CSMD2: variants seen among roughly 807,000 people sequenced by gnomAD.
CSMD2 encodes the protein CUB and sushi domain-containing protein 2.
CSMD2 carries 130 observed loss-of-function variants against 398.5 expected under a neutral mutation model. The ratio of observed to expected loss-of-function variants is 0.33; its 90% CI spans 0.28 to 0.38. The LOEUF (loss-of-function observed/expected upper bound fraction) is 0.38, where lower values mean the gene tolerates loss of function less well. CSMD2 is among the 10% of genes least tolerant of loss of function. The probability of loss-of-function intolerance (pLI) is 1.00; values close to 1 mark genes in which losing one functional copy is unlikely to be tolerated. For synonymous variants in CSMD2, 1,828 were observed against 1,908.5 expected (o/e 0.96, Z 1.10); for missense variants, 3,829 against 4,764.9 (o/e 0.80, Z 5.78).
At chr1:33,793,329 G>T (rs1417236759) in intron 10 of CSMD2, among the ~76,000 whole-genome samples, 7 of 152,188 alleles carry the variant, frequency 4.6e-5, no homozygotes, top group Non-Finnish European at 1.5e-5. Flanking sequence ...GCTTGGAGAG[G>T]GAGGGAGGGG....
chr1:33,770,628 A>G (rs1651130705), intron 13 of CSMD2, among the ~76,000 whole-genome samples: 1 of 152,200 alleles, frequency 6.6e-6, no homozygotes, highest in African/African-American at 2.4e-5. Context: ...TGAGTGATGG[A>G]AGGGCCTGGG....
intron 62 of CSMD2, among the ~76,000 whole-genome samples, chr1:33,535,528 G>A (rs868537199): frequency 2.0e-5 from 3 of 152,118 alleles, no homozygotes; most frequent in African/African-American, 7.2e-5. Context: ...AATCCATCAC[G>A]TGACTATACC....
Position 33,595,819 on chromosome 1 carries a change from T to A in CSMD2, c.6856+5046A>T, listed in dbSNP as rs370085899. On this transcript the variant is annotated intron_variant, in intron 44 of 70. Transcript: ENST00000373381. Reference sequence around the variant, plus strand: ...TTCAAGGAGCCCTGGTCCATTTTAGTGGAAAATGTTATTTAGGAACCAATA... The same window carrying A: ...TTCAAGGAGCCCTGGTCCATTTTAGAGGAAAATGTTATTTAGGAACCAATA... Among the ~76,000 whole-genome samples the A allele has an allele frequency of 2.4e-4, 37 of 152,320 alleles. 3 individuals are homozygous for A. The South Asian group carries it at 7.7e-3, about 32-fold the overall frequency.
intron 5 of CSMD2, among the ~76,000 whole-genome samples, chr1:33,907,115 C>CTT (rs59706894): frequency 1.6e-4 from 14 of 88,998 alleles, no homozygotes; most frequent in East Asian, 3.6e-4. Flanking sequence ...TGATGATTAT[C>CTT]TTTTTTTTTT....
At chr1:34,135,267 C>G (rs1410745907) in intron 1 of CSMD2, among the ~76,000 whole-genome samples, 2 of 148,286 alleles carry the variant, frequency 1.3e-5, no homozygotes, top group Non-Finnish European at 2.9e-5. Flanking sequence ...CACACACACA[C>G]ACACACACAC....
Position 33,698,913 on chromosome 1 carries a change from T to G in CSMD2, c.3765A>C (p.Gly1255=). The change falls in exon 24 of 71, where the codon GGA becomes GGC. Residue 1255 remains glycine (G), a synonymous_variant. Transcript: ENST00000373381. ...GAACCTTGTAGCCAAACTTGGGGGT[T>G]CCTGGGTCCTCACATTTGATGAGTT... The part of the protein sequence containing the change: ...SFELIKCEDP[G]TPKFGYKVHD... 6.2e-7 allele frequency: 1 copy of G among 1,614,064 alleles called. No homozygotes were observed. The highest frequency in any genetic ancestry group is 8.5e-7 in the Non-Finnish European group (1 of 1,179,976).
chr1:33,603,041 T>C (rs545006122), intron 42 of CSMD2, among the ~76,000 whole-genome samples: 11 of 152,286 alleles, frequency 7.2e-5, no homozygotes, highest in South Asian at 4.1e-4. Flanking sequence ...GTTCAAATCA[T>C]AGCTGAACGA....
intron 10 of CSMD2, among the ~76,000 whole-genome samples, chr1:33,792,960 T>A (rs552955808): frequency 2.0e-5 from 3 of 152,206 alleles, no homozygotes; most frequent in African/African-American, 7.2e-5. Context: ...CTTTTCTCCA[T>A]CCTTTTTGTT....
At chr1:33,724,736 A>G in intron 17 of CSMD2, 32 bp from the exon 18 acceptor site, 1 of 1,602,724 alleles carries the variant, frequency 6.2e-7, no homozygotes. Flanking sequence ...TGGGACAGAC[A>G]GCTTACTGTC....
chr1:33,617,556 C>G lies in CSMD2; in HGVS notation c.5889G>C (p.Glu1963Asp). ...AVPSNGVKTG[E>D]RYLVNDVVSF... ...ACACCACATCATTCACCAAGTAGCG[C>G]TCGCCAGTCTTCACCCCGTTACTGG... The change falls in exon 38 of 71, where the codon GAG becomes GAC. Residue 1963 changes from glutamate (E) to aspartate (D), a missense_variant. Around this residue, in one of 5 missense-constraint regions of CSMD2, gnomAD observed 2,001 missense variants for 2,567.1 expected, o/e 0.78. Transcript: ENST00000373381. 1 of 1,614,164 alleles carries G rather than the reference C, an allele frequency of 6.2e-7. No homozygotes were observed. Among genetic ancestry groups the G allele is most frequent in the Non-Finnish European group, 8.5e-7 (1 of 1,180,024 alleles).
chr1:34,096,580 A>T (rs1190506716), intron 1 of CSMD2, among the ~76,000 whole-genome samples: 3 of 138,176 alleles, frequency 2.2e-5, no homozygotes, highest in Admixed American at 7.5e-5. Flanking sequence ...ATACAAAATC[A>T]ATGTGCAAAA....
At chr1:34,127,140 C>G (rs949472604) in intron 1 of CSMD2, among the ~76,000 whole-genome samples, 1 of 152,056 alleles carries the variant, frequency 6.6e-6, no homozygotes, top group African/African-American at 2.4e-5. Context: ...GAGTGAGACA[C>G]CAAGAAGCCA....
rs780866735 is a variant in CSMD2, at chr1:33,577,326, G to A, written c.7546C>T (p.Leu2516=). The part of the protein sequence containing the change: ...ICTRHPQGYH[L]WSEAIPLCQA... ...CAGAGAGGGATGGCTTCGCTCCACA[G>A]GTGGTAGCCCTGGGGGTGCCGGGTA... The change falls in exon 49 of 71, where the codon CTG becomes TTG. Residue 2516 remains leucine (L), a synonymous_variant. Coordinates refer to ENST00000373381, the MANE Select transcript of CSMD2 (RefSeq NM_001281956.2). 8.0e-5 allele frequency: 129 copies of A among 1,613,162 alleles called. No individual in the cohort carries two copies. In the East Asian group the frequency reaches 1.7e-3, roughly 21 times the overall value.
intron 62 of CSMD2, 151 bp downstream of exon 62, chr1:33,536,871 G>A: frequency 1.4e-6 from 1 of 698,096 alleles, no homozygotes; most frequent in East Asian, 2.7e-5. Flanking sequence ...ATGGAGCACT[G>A]TTCAAAGAGG....
At chr1:34,078,220 G>C (rs1656658263) in intron 2 of CSMD2, among the ~76,000 whole-genome samples, 1 of 151,850 alleles carries the variant, frequency 6.6e-6, no homozygotes, top group Non-Finnish European at 1.5e-5. Context: ...TTGGTGGTCT[G>C]GCCCCACTGT....
intron 5 of CSMD2, among the ~76,000 whole-genome samples, chr1:33,868,772 A>G (rs149042092): frequency 1.7e-3 from 258 of 152,118 alleles, no homozygotes; most frequent in African/African-American, 5.9e-3. Context: ...ACAAATACAT[A>G]TATCGAATCA....
chr1:33,984,676 G>A (rs1442245684), intron 3 of CSMD2, among the ~76,000 whole-genome samples: 13 of 152,100 alleles, frequency 8.5e-5, no homozygotes, highest in African/African-American at 1.7e-4. Flanking sequence ...CCAACTACTC[G>A]GGAGGTTGAG....
rs140105777 is a variant in CSMD2, at chr1:33,739,321, G to A, written c.2187C>T (p.Asn729=). 6.6e-5 allele frequency: 106 copies of A among 1,613,214 alleles called. No individual in the cohort carries two copies. Among genetic ancestry groups the A allele is most frequent in the South Asian group, 3.4e-4 (31 of 90,954 alleles). The part of the protein sequence containing the change: ...FNITFTTFRH[N]ECPDPGVPVN... ...CTGGAACGCCAGGATCCGGGCACTCGTTGTGTCGGAAGGCTGTGTAGATGG... is the reference window on the plus strand; with the variant it reads ...CTGGAACGCCAGGATCCGGGCACTCATTGTGTCGGAAGGCTGTGTAGATGG... Residue 729 remains asparagine, a synonymous_variant, in exon 15 of 71, where the codon AAC becomes AAT. Coordinates refer to ENST00000373381, the MANE Select transcript of CSMD2 (RefSeq NM_001281956.2).
chr1:34,080,483 TCAA>T (rs1330542215), intron 2 of CSMD2, among the ~76,000 whole-genome samples: 2 of 152,066 alleles, frequency 1.3e-5, no homozygotes, highest in African/African-American at 4.8e-5. Context: ...GGGAAACAAG[TCAA>T]CAAATTCTCC....
Sources: gnomAD v4.1 joint callset for allele counts (sites outside exome capture counted in the v4.1 genomes callset) on GRCh38, gnomAD v4.1.1 for gene constraint, gnomAD v4.1.1 regional missense constraint, MANE v1.5 for transcripts, NCBI Gene and HGNC (gene_info 2026-07-23, HGNC 2026-07-21) for gene names.